The following XRCC5 variants were observed in gnomAD, a reference collection of about 807,000 sequenced individuals.
XRCC5 encodes DNA repair protein Ku80.
XRCC5 carries 12 observed loss-of-function variants against 95.7 expected under a neutral mutation model. That is an observed-to-expected ratio of 0.13 (90% CI 0.08 to 0.20). The LOEUF (loss-of-function observed/expected upper bound fraction) is 0.20, where lower values mean the gene tolerates loss of function less well. Among genes scored for constraint, XRCC5 ranks in the 10% least tolerant of loss-of-function variants. XRCC5 has a pLI of 1.00. For synonymous variants in XRCC5, 281 were observed against 290.3 expected (o/e 0.97, Z 0.33); for missense variants, 595 against 873.9 (o/e 0.68, Z 4.02).
chr2:216,192,622 C>G lies in XRCC5; in HGVS notation c.1945-17C>G. On this transcript the variant is annotated splice_polypyrimidine_tract_variant and intron_variant, in intron 17 of 20. Transcript: ENST00000392132. ...GCTCTGACTTGCTGCCTCCTCTACC[C>G]CAACTTGCTACCACAGTTTTCAGAA... is the stretch of plus-strand genomic sequence containing the variant. 1 of 1,565,790 alleles carries G rather than the reference C, an allele frequency of 6.4e-7. No homozygotes were observed. The highest frequency in any genetic ancestry group is 8.6e-7 in the Non-Finnish European group (1 of 1,157,054).
At chr2:216,158,677 T>C (rs1006519307) in intron 14 of XRCC5, among the ~76,000 whole-genome samples, 1 of 152,224 alleles carries the variant, frequency 6.6e-6, no homozygotes, top group African/African-American at 2.4e-5. Flanking sequence ...CACCCTTCTG[T>C]CTTCTACTTT....
At chr2:216,175,665 G>A in intron 16 of XRCC5, 1 of 414,140 alleles carries the variant, frequency 2.4e-6, no homozygotes, top group South Asian at 2.0e-5. Flanking sequence ...TGTTAGGTGG[G>A]CACCAGGCTT....
At chr2:216,167,679 G>T (rs1180797574) in intron 16 of XRCC5, among the ~76,000 whole-genome samples, 1 of 150,906 alleles carries the variant, frequency 6.6e-6, no homozygotes, top group African/African-American at 2.4e-5. Context: ...ATTATACTCT[G>T]CCCAGATAGA....
At chr2:216,158,684 C>T in intron 14 of XRCC5, among the ~76,000 whole-genome samples, 1 of 152,116 alleles carries the variant, frequency 6.6e-6, no homozygotes, top group South Asian at 2.1e-4. Context: ...CTGTCTTCTA[C>T]TTTGCTCTTG....
In XRCC5 at chr2:216,204,304, C is replaced by T; in HGVS notation, c.2110-18C>T. The T allele has an allele frequency of 1.9e-6, 3 of 1,613,622 alleles. No individual in the cohort carries two copies. Among genetic ancestry groups the T allele is most frequent in the Non-Finnish European group, 2.5e-6 (3 of 1,179,612 alleles). On this transcript the variant is annotated intron_variant, in intron 19 of 20. Transcript: ENST00000392132. ...CAAAAATATCATTTTGGTATGATAA[C>T]TGACTTTCTATTTACAGTTTCTGGC...
At chr2:216,181,221 A>C (rs1241873195) in intron 16 of XRCC5, among the ~76,000 whole-genome samples, 2 of 152,002 alleles carry the variant, frequency 1.3e-5, no homozygotes, top group Non-Finnish European at 2.9e-5. Context: ...CCATCTTATC[A>C]CTATCCGAAT....
chr2:216,127,748 G>A (rs941331196), intron 8 of XRCC5, 74 bp downstream of exon 8: 7 of 1,438,054 alleles, frequency 4.9e-6, no homozygotes, highest in African/African-American at 1.4e-5. Context: ...GCTGGGGTTT[G>A]TATTATTCTT....
chr2:216,159,909 A>G (rs942512196), intron 14 of XRCC5, among the ~76,000 whole-genome samples, 159 bp from the exon 15 acceptor site: 1 of 151,886 alleles, frequency 6.6e-6, no homozygotes, highest in African/African-American at 2.4e-5. Flanking sequence ...GAAGGACTAC[A>G]TGTAGCTATT....
chr2:216,198,828 C>CA (rs1336894710), intron 19 of XRCC5, among the ~76,000 whole-genome samples: 2 of 152,194 alleles, frequency 1.3e-5, no homozygotes, highest in Non-Finnish European at 2.9e-5. Flanking sequence ...GCTGGGATTG[C>CA]AGGCGTGTAA....
intron 1 of XRCC5, among the ~76,000 whole-genome samples, chr2:216,110,903 A>C (rs570196235): frequency 3.3e-5 from 5 of 151,868 alleles, no homozygotes; most frequent in African/African-American, 1.2e-4. Flanking sequence ...TTTTTTTTCA[A>C]ATAATCTAAT....
rs148445518 is a variant in XRCC5 at position 216,171,829 on chromosome 2, C to G, written c.1834+9781C>G. On this transcript the variant is annotated intron_variant, in intron 16 of 20. Transcript: ENST00000392132. The stretch of plus-strand genomic sequence containing the variant: ...GTCTGTGGTAAATCTCTACAAGTCT[C>G]TTAGATAAATTGCACTTATTAATTC... 3.8e-3 allele frequency among the ~76,000 whole-genome samples: 586 copies of G among 152,294 alleles called. 1 individual carries two copies. Among genetic ancestry groups the G allele is most frequent in the African/African-American group, 0.013 (561 of 41,558 alleles).
intron 11 of XRCC5, among the ~76,000 whole-genome samples, chr2:216,137,680 G>A (rs1398205305): frequency 1.3e-5 from 2 of 152,030 alleles, no homozygotes; most frequent in Non-Finnish European, 2.9e-5. Context: ...TTTGTGAAAC[G>A]GTTTATTTAG....
intron 11 of XRCC5, 69 bp downstream of exon 11, chr2:216,137,294 G>C: frequency 6.6e-7 from 1 of 1,507,734 alleles, no homozygotes; most frequent in South Asian, 1.3e-5. Context: ...TTTCTCAGCT[G>C]TTAATGTTCA....
chr2:216,148,069 AC>A lies in XRCC5; in HGVS notation c.1477-13del, dbSNP rs770152334. ...TCTCCATCTGTGTTTTAAAATCCTT[AC>A]TTTTTCCAACAGTGTCTGCTGCACA... On this transcript the variant is annotated splice_polypyrimidine_tract_variant and intron_variant, in intron 13 of 20. Coordinates refer to ENST00000392132, the MANE Select transcript of XRCC5 (RefSeq NM_021141.4). 1.0e-5 allele frequency: 16 copies of A among 1,595,324 alleles called. No individual in the cohort carries two copies. In the African/African-American group the frequency reaches 2.0e-4, roughly 20 times the overall value.
intron 7 of XRCC5, among the ~76,000 whole-genome samples, chr2:216,127,212 C>G (rs12694384): frequency 6.6e-6 from 1 of 151,972 alleles, no homozygotes; most frequent in Non-Finnish European, 1.5e-5. Context: ...TGCACTCCAA[C>G]CTGAGCGATA....
At chr2:216,113,651 G>C (rs1696634016) in intron 2 of XRCC5, among the ~76,000 whole-genome samples, 1 of 152,182 alleles carries the variant, frequency 6.6e-6, no homozygotes, top group Non-Finnish European at 1.5e-5. Context: ...GATGGCAGCT[G>C]GGGCTGGAGT....
chr2:216,199,233 C>A (rs561791414), intron 19 of XRCC5, among the ~76,000 whole-genome samples: 1 of 152,264 alleles, frequency 6.6e-6, no homozygotes, highest in Non-Finnish European at 1.5e-5. Context: ...CAAATTCTTG[C>A]TATTAAATGT....
rs550547698 is a variant in XRCC5, at chr2:216,122,989, C to T, written c.683+736C>T. Reference sequence around the variant, plus strand: ...TTTGAGCAAAGAACCTAAGAAGAATCGGTGGCATCTAGAATAGTGTGTGTC... The same window carrying T: ...TTTGAGCAAAGAACCTAAGAAGAATTGGTGGCATCTAGAATAGTGTGTGTC... On this transcript the variant is annotated intron_variant, in intron 6 of 20. Coordinates refer to ENST00000392132, the MANE Select transcript of XRCC5 (RefSeq NM_021141.4). Among the ~76,000 whole-genome samples, 39 of 152,264 alleles carry T rather than the reference C, an allele frequency of 2.6e-4. 2 individuals carry two copies. The South Asian group carries it at 7.5e-3, about 29-fold the overall frequency.
At position 216,205,097 on chromosome 2, in the gene XRCC5, A is replaced by C. The variant is rs1574439844; in HGVS notation, c.2185-91A>C. 3 of 1,486,744 alleles carry C rather than the reference A, an allele frequency of 2.0e-6. No homozygotes were observed. The East Asian group carries it at 6.8e-5, about 34-fold the overall frequency. 92.1% of individuals were successfully genotyped at this position (1,486,744 alleles called of 1,614,324 possible). On this transcript the variant is annotated intron_variant, in intron 20 of 20. Transcript: ENST00000392132. ...CAAGTACATGCATGCCTTCCAATGT[A>C]GAGTCATTTTCATTAAACCCTCTCT...
Sources: allele counts gnomAD v4.1 joint callset (sites outside exome capture counted in the v4.1 genomes callset), GRCh38; gene constraint gnomAD v4.1.1; transcripts MANE v1.5; gene names NCBI Gene and HGNC (gene_info 2026-07-23, HGNC 2026-07-21).